The following SERGEF variants were observed in gnomAD, a reference collection of about 807,000 sequenced individuals.
SERGEF encodes the protein secretion regulating guanine nucleotide exchange factor.
Under a neutral mutation model 50.0 loss-of-function variants are expected in SERGEF, and 51 were observed. That is an observed-to-expected ratio of 1.02 (90% confidence interval 0.81 to 1.29). The LOEUF (loss-of-function observed/expected upper bound fraction) is 1.29. SERGEF is among the 50% of genes most tolerant of loss of function. The probability of loss-of-function intolerance (pLI) is 0.00; values close to 1 mark genes in which losing one functional copy is unlikely to be tolerated. For missense variants in SERGEF, 521 were observed against 557.0 expected, an observed-to-expected ratio of 0.94 and a Z score of 0.65; for synonymous variants, 205 against 212.4, an observed-to-expected ratio of 0.97 and a Z score of 0.30.
intron 8 of SERGEF, 25 bp downstream of exon 8, chr11:17,988,572 C>A (rs376432750): frequency 3.7e-6 from 6 of 1,611,494 alleles, no homozygotes; most frequent in African/African-American, 1.3e-5. Flanking sequence ...TCTTACCAAC[C>A]GTAAGTTCTC....
At chr11:17,810,725 G>C (rs1285176233) in intron 10 of SERGEF, among the ~76,000 whole-genome samples, 2 of 152,054 alleles carry the variant, frequency 1.3e-5, no homozygotes, top group Non-Finnish European at 2.9e-5. Flanking sequence ...CTGGGTCACA[G>C]GTGGCTCAGG....
chr11:17,823,667 G>T (rs1850125739), intron 10 of SERGEF, among the ~76,000 whole-genome samples: 2 of 152,120 alleles, frequency 1.3e-5, no homozygotes, highest in African/African-American at 4.8e-5. Context: ...GGACTAATCT[G>T]TAGGTGAGAG....
At chr11:17,817,748 A>G (rs1034848570) in intron 10 of SERGEF, among the ~76,000 whole-genome samples, 1 of 152,234 alleles carries the variant, frequency 6.6e-6, no homozygotes, top group African/African-American at 2.4e-5. Context: ...TTGGTTGAGG[A>G]AACTGAGGTT....
intron 6 of SERGEF, 98 bp downstream of exon 6, chr11:17,995,698 A>C (rs1853822850): frequency 7.1e-6 from 6 of 850,878 alleles, no homozygotes; most frequent in Non-Finnish European, 1.1e-5. Flanking sequence ...AGACCAAGAA[A>C]TAGCAAAATC....
At chr11:17,963,389 AAAAAAAT>A (rs1400994677) in intron 8 of SERGEF, among the ~76,000 whole-genome samples, 1 of 148,936 alleles carries the variant, frequency 6.7e-6, no homozygotes, top group Non-Finnish European at 1.5e-5. Context: ...AAAAAAAAAA[AAAAAAAT>A]TTTTTTTTTG....
intron 1 of SERGEF, among the ~76,000 whole-genome samples, chr11:18,012,153 GAAC>G (rs1854209100): frequency 6.6e-6 from 1 of 152,086 alleles, no homozygotes; most frequent in Non-Finnish European, 1.5e-5. Flanking sequence ...GAGGCACCGT[GAAC>G]AAGACAGGCA....
intron 9 of SERGEF, among the ~76,000 whole-genome samples, chr11:17,922,110 G>A (rs369524717): frequency 7.9e-5 from 12 of 152,168 alleles, no homozygotes; most frequent in Non-Finnish European, 1.3e-4. Context: ...CAATGGCAAC[G>A]TCTGAACATG....
At chr11:17,993,725 A>C (rs1294098661) in intron 6 of SERGEF, among the ~76,000 whole-genome samples, 1 of 152,150 alleles carries the variant, frequency 6.6e-6, no homozygotes, top group Non-Finnish European at 1.5e-5. Flanking sequence ...TGTCCTCTGG[A>C]ATGATAACAG....
intron 9 of SERGEF, among the ~76,000 whole-genome samples, chr11:17,914,567 T>C (rs530198602): frequency 6.6e-6 from 1 of 152,154 alleles, no homozygotes; most frequent in East Asian, 1.9e-4. Context: ...TACAGGCATG[T>C]ACTACTGCCC....
At chr11:18,004,932 GT>G (rs1375377009) in intron 3 of SERGEF, among the ~76,000 whole-genome samples, 11 of 152,154 alleles carry the variant, frequency 7.2e-5, no homozygotes, top group Non-Finnish European at 1.6e-4. Flanking sequence ...TAACCAACTG[GT>G]GAGTTTAGGA....
chr11:17,938,939 C>G (rs1852507437), intron 9 of SERGEF, among the ~76,000 whole-genome samples: 1 of 152,192 alleles, frequency 6.6e-6, no homozygotes, highest in African/African-American at 2.4e-5. Context: ...ACCTTGGCTT[C>G]TTGGTCCTCC....
intron 9 of SERGEF, among the ~76,000 whole-genome samples, chr11:17,915,083 T>C (rs1250544406): frequency 6.6e-6 from 1 of 152,234 alleles, no homozygotes; most frequent in Non-Finnish European, 1.5e-5. Context: ...CATTTTTGTA[T>C]CTCTCATAGC....
intron 9 of SERGEF, among the ~76,000 whole-genome samples, chr11:17,927,204 T>A (rs1047406503): frequency 6.6e-6 from 1 of 152,144 alleles, no homozygotes; most frequent in South Asian, 2.1e-4. Context: ...TAGAGACTCA[T>A]TTGGGGCCAT....
intron 10 of SERGEF, among the ~76,000 whole-genome samples, chr11:17,868,167 G>A (rs1212783358): frequency 6.6e-6 from 1 of 152,162 alleles, no homozygotes; most frequent in Non-Finnish European, 1.5e-5. Context: ...TCATCAGGCT[G>A]TAAATTTTCT....
chr11:17,821,038 A>T (rs1465030349), intron 10 of SERGEF, among the ~76,000 whole-genome samples: 2 of 152,198 alleles, frequency 1.3e-5, no homozygotes, highest in Non-Finnish European at 2.9e-5. Context: ...AGAAGAAAAG[A>T]TGCATCACAC....
intron 7 of SERGEF, among the ~76,000 whole-genome samples, chr11:17,989,852 T>A (rs1346448969): frequency 6.6e-6 from 1 of 152,232 alleles, no homozygotes; most frequent in Non-Finnish European, 1.5e-5. Flanking sequence ...TAATTTGATA[T>A]GGGTTACATG....
intron 9 of SERGEF, among the ~76,000 whole-genome samples, chr11:17,904,883 A>C (rs1417680777): frequency 6.6e-6 from 1 of 152,230 alleles, no homozygotes; most frequent in Non-Finnish European, 1.5e-5. Flanking sequence ...CTGGGTCATC[A>C]AAGCCTAATT....
chr11:17,954,187 G>A (rs1287875269), intron 9 of SERGEF, among the ~76,000 whole-genome samples: 1 of 152,166 alleles, frequency 6.6e-6, no homozygotes, highest in Admixed American at 6.5e-5. Context: ...TTCAGGTTGT[G>A]TTCAATTCTG....
intron 10 of SERGEF, among the ~76,000 whole-genome samples, chr11:17,830,645 G>GGA (rs59425606): frequency 6.2e-4 from 12 of 19,382 alleles, no homozygotes; most frequent in Admixed American, 1.6e-3. Context: ...GGAGGGAGAG[G>GGA]GAGGGAGAGA....
Sources: gnomAD v4.1 joint callset for allele counts (sites outside exome capture counted in the v4.1 genomes callset) on GRCh38, gnomAD v4.1.1 for gene constraint, MANE v1.5 for transcripts, NCBI Gene and HGNC (gene_info 2026-07-23, HGNC 2026-07-21) for gene names.